ZFHX3: variants seen among roughly 807,000 people sequenced by gnomAD.
The protein encoded by ZFHX3 is zinc finger homeobox 3.
Under a neutral mutation model 279.1 loss-of-function variants are expected in ZFHX3, and 42 were observed. That is an observed-to-expected ratio of 0.15 (90% CI 0.12 to 0.19). The LOEUF (loss-of-function observed/expected upper bound fraction) is 0.19. Among genes scored for constraint, ZFHX3 ranks in the 10% least tolerant of loss-of-function variants. The pLI is 1.00. For synonymous variants in ZFHX3, 2,293 were observed against 1,957.8 expected (o/e 1.17, Z -4.52); for missense variants, 4,981 against 4,754.0 (o/e 1.05, Z -1.40).
intron 1 of ZFHX3, among the ~76,000 whole-genome samples, chr16:73,864,093 T>A (rs535636040): frequency 6.6e-6 from 1 of 152,332 alleles, no homozygotes; most frequent in East Asian, 1.9e-4. Context: ...CTTTGGTGTG[T>A]GTTATCTACC....
intron 1 of ZFHX3, among the ~76,000 whole-genome samples, chr16:73,776,481 C>A (rs1414214850): frequency 2.5e-4 from 38 of 152,138 alleles, no homozygotes; most frequent in Non-Finnish European, 8.8e-5. Context: ...TACACAAGTG[C>A]CTTCTGGCTA....
chr16:73,317,443 A>G (rs2015477750), intron 4 of ZFHX3, among the ~76,000 whole-genome samples: 1 of 152,202 alleles, frequency 6.6e-6, no homozygotes, highest in Admixed American at 6.5e-5. Context: ...TTTACCAGCT[A>G]TTGGCTCAAC....
intron 2 of ZFHX3, among the ~76,000 whole-genome samples, chr16:73,538,755 G>T (rs183567590): frequency 6.6e-5 from 10 of 152,256 alleles, no homozygotes; most frequent in Admixed American, 3.9e-4. Flanking sequence ...TATGGAAGCC[G>T]TCAGAAAAAG....
chr16:72,795,793 C>T lies in ZFHX3; in HGVS notation c.6889G>A (p.Ala2297Thr), dbSNP rs563236922. The change falls in exon 9 of 10, where the codon GCC (alanine) becomes ACC (threonine). Residue 2297 changes from alanine to threonine, a missense_variant. Ala to Thr is a moderately conservative substitution (Grantham distance 58). Around this residue, in one of 7 missense-constraint regions of ZFHX3, gnomAD observed 177 missense variants for 244.2 expected, o/e 0.72. Coordinates refer to ENST00000268489, the MANE Select transcript of ZFHX3 (RefSeq NM_006885.4). Reference sequence around the variant, plus strand: ...CCCTGATTCTCATAATTCTTCCTGGCCTTCTGTCGGGCATTCTGAAACCAC... The same window carrying T: ...CCCTGATTCTCATAATTCTTCCTGGTCTTCTGTCGGGCATTCTGAAACCAC... The part of the protein sequence containing the change: ...VVWFQNARQK[A>T]RKNYENQGEG... 1 of 1,614,156 alleles carries T rather than the reference C, an allele frequency of 6.2e-7. No homozygotes were observed. The highest frequency in any genetic ancestry group is 8.5e-7 in the Non-Finnish European group (1 of 1,180,016).
intron 3 of ZFHX3, among the ~76,000 whole-genome samples, chr16:73,359,195 T>C (rs1025295825): frequency 6.6e-5 from 10 of 151,882 alleles, no homozygotes; most frequent in African/African-American, 2.2e-4. Flanking sequence ...TTTTTTTTTT[T>C]TTTTAAACAA....
chr16:73,846,052 G>C (rs1961441324), intron 1 of ZFHX3, among the ~76,000 whole-genome samples: 1 of 152,130 alleles, frequency 6.6e-6, no homozygotes. Context: ...TCTCACATAG[G>C]CCTCCCAAGT....
chr16:73,032,747 C>T (rs1243694816), intron 1 of ZFHX3, among the ~76,000 whole-genome samples: 1 of 152,086 alleles, frequency 6.6e-6, no homozygotes, highest in Non-Finnish European at 1.5e-5. Flanking sequence ...TCTTTTCCTC[C>T]TCCTCCCCCC....
chr16:73,634,058 C>CATT (rs879770887), intron 2 of ZFHX3, among the ~76,000 whole-genome samples: 3 of 152,042 alleles, frequency 2.0e-5, no homozygotes, highest in African/African-American at 7.2e-5. Flanking sequence ...ATATTCTTGA[C>CATT]ATTTTTATTT....
intron 2 of ZFHX3, among the ~76,000 whole-genome samples, chr16:73,469,465 TA>T (rs2018625714): frequency 1.3e-5 from 2 of 152,188 alleles, no homozygotes; most frequent in Non-Finnish European, 2.9e-5. Flanking sequence ...GGATCTACTC[TA>T]AGGATTAGAA....
chr16:73,376,251 T>G (rs1415456508), intron 3 of ZFHX3, among the ~76,000 whole-genome samples: 1 of 152,238 alleles, frequency 6.6e-6, no homozygotes, highest in African/African-American at 2.4e-5. Flanking sequence ...TCTAAACTGT[T>G]GCTGGATCAT....
At chr16:73,171,166 C>A (rs1187073510) in intron 5 of ZFHX3, among the ~76,000 whole-genome samples, 1 of 151,918 alleles carries the variant, frequency 6.6e-6, no homozygotes, top group Non-Finnish European at 1.5e-5. Flanking sequence ...GATTTCATCC[C>A]CCCAAAAAAG....
intron 5 of ZFHX3, among the ~76,000 whole-genome samples, chr16:73,192,904 T>C (rs1474645927): frequency 1.3e-5 from 2 of 152,060 alleles, no homozygotes; most frequent in Non-Finnish European, 2.9e-5. Flanking sequence ...TGGACACAAG[T>C]GGGTCTAAAG....
chr16:73,244,250 C>T (rs946878722), intron 5 of ZFHX3, among the ~76,000 whole-genome samples: 5 of 152,098 alleles, frequency 3.3e-5, no homozygotes, highest in Non-Finnish European at 5.9e-5. Flanking sequence ...AGGAGAGGGT[C>T]AGACACACAG....
At chr16:73,578,493 T>C (rs2051824380) in intron 2 of ZFHX3, among the ~76,000 whole-genome samples, 1 of 152,184 alleles carries the variant, frequency 6.6e-6, no homozygotes, top group East Asian at 1.9e-4. Flanking sequence ...TTTAAAATGC[T>C]AAGAGGCTTT....
intron 2 of ZFHX3, among the ~76,000 whole-genome samples, chr16:73,536,481 T>C (rs552548130): frequency 1.3e-5 from 2 of 152,302 alleles, no homozygotes; most frequent in African/African-American, 4.8e-5. Flanking sequence ...CCAAAGTCAA[T>C]GCACTGCAGA....
At chr16:73,406,314 T>C (rs1342461953) in intron 3 of ZFHX3, among the ~76,000 whole-genome samples, 1 of 152,220 alleles carries the variant, frequency 6.6e-6, no homozygotes, top group Non-Finnish European at 1.5e-5. Context: ...CATCACTGCA[T>C]CCATCTACAA....
intron 3 of ZFHX3, among the ~76,000 whole-genome samples, chr16:73,349,555 G>A (rs1262085483): frequency 6.6e-6 from 1 of 151,964 alleles, no homozygotes; most frequent in Non-Finnish European, 1.5e-5. Flanking sequence ...GTTTTTGTAA[G>A]TGAGGAAGCT....
intron 3 of ZFHX3, among the ~76,000 whole-genome samples, chr16:73,375,566 G>C (rs2016708370): frequency 6.6e-6 from 1 of 152,002 alleles, no homozygotes. Flanking sequence ...AACTATATAG[G>C]CATTTAGAGA....
Position 73,206,974 on chromosome 16 carries a change from C to A in ZFHX3, c.-1104+50073G>T, listed in dbSNP as rs552780494. 3.3e-5 allele frequency among the ~76,000 whole-genome samples: 5 copies of A among 151,168 alleles called. No homozygotes were observed. In the South Asian group the frequency reaches 8.4e-4, roughly 25 times the overall value. ...TGGAGGTTGCAGTGAGCTGAGATCA[C>A]GCCACTGCACTCCAGCCTGGGTGAC... is the stretch of plus-strand genomic sequence containing the variant. On this transcript the variant is annotated intron_variant, in intron 5 of 17. Transcript: ENST00000641206.
Sources: allele counts gnomAD v4.1 joint callset (sites outside exome capture counted in the v4.1 genomes callset), GRCh38; gene constraint gnomAD v4.1.1; regional missense constraint gnomAD v4.1.1; transcripts MANE v1.5; gene names NCBI Gene and HGNC (gene_info 2026-07-23, HGNC 2026-07-21).